Variants in CALN1 observed in about 807,000 individuals in gnomAD.
CALN1 encodes calneuron 1, also known as calcium-binding protein 8.
A neutral mutation model predicts 30.6 loss-of-function variants in CALN1; 17 were observed. The observed-to-expected ratio is 0.56, with a 90% CI of 0.38 to 0.83. The LOEUF is 0.83. Ranked by LOEUF, CALN1 falls within the 40% of genes least tolerant of loss-of-function variation. The pLI is 0.00. For missense variants in CALN1, 291 were observed against 354.9 expected (o/e 0.82, Z 1.45); for synonymous variants, 156 against 131.4 (o/e 1.19, Z -1.28).
At chr7:72,400,761 C>T (rs148915282) in intron 2 of CALN1, among the ~76,000 whole-genome samples, 9 of 152,284 alleles carry the variant, frequency 5.9e-5, no homozygotes, top group South Asian at 2.1e-4. Context: ...CCCAAAGCTG[C>T]ACCTCTGGCC....
chr7:72,092,194 A>AT (rs1176546406), intron 4 of CALN1, among the ~76,000 whole-genome samples: 3 of 152,038 alleles, frequency 2.0e-5, no homozygotes, highest in Admixed American at 2.0e-4. Context: ...TGTTCATGAG[A>AT]TTGAAAGGTT....
At chr7:72,078,796 C>T (rs900741052) in intron 4 of CALN1, among the ~76,000 whole-genome samples, 4 of 152,076 alleles carry the variant, frequency 2.6e-5, no homozygotes, top group East Asian at 1.9e-4. Context: ...ATTAGTTGGG[C>T]GTGGTGGCAG....
At chr7:72,333,463 C>T (rs575039069) in intron 2 of CALN1, among the ~76,000 whole-genome samples, 11 of 152,206 alleles carry the variant, frequency 7.2e-5, no homozygotes, top group Non-Finnish European at 1.6e-4. Flanking sequence ...TTGGAATTAT[C>T]CTCAAATTGA....
chr7:71,818,316 G>T (rs1788384915), intron 5 of CALN1, among the ~76,000 whole-genome samples: 1 of 152,020 alleles, frequency 6.6e-6, no homozygotes, highest in Non-Finnish European at 1.5e-5. Context: ...GGGAAGAGGA[G>T]ACGGTCAGGT....
intron 5 of CALN1, among the ~76,000 whole-genome samples, chr7:71,863,581 A>C (rs1003368772): frequency 6.7e-6 from 1 of 150,146 alleles, no homozygotes; most frequent in Admixed American, 6.7e-5. Context: ...AAAAAAAAAA[A>C]AAGAAGAAAG....
chr7:72,352,639 A>G (rs1250633517), intron 2 of CALN1, among the ~76,000 whole-genome samples: 1 of 152,168 alleles, frequency 6.6e-6, no homozygotes, highest in Non-Finnish European at 1.5e-5. Context: ...AGATCAGCTA[A>G]AACAGTGCTT....
intron 3 of CALN1, among the ~76,000 whole-genome samples, chr7:72,153,173 C>T (rs1228067090): frequency 2.0e-5 from 3 of 152,214 alleles, no homozygotes; most frequent in South Asian, 2.1e-4. Context: ...TAAGGATCTT[C>T]CTCTAACACC....
In CALN1 at chr7:72,403,359, G is replaced by A. The variant is rs1374143289; in HGVS notation, c.11C>T (p.Pro4Leu). MRL[P>L]EQPGEGKPEN... is the part of the protein sequence containing the mutation. ...GGGCTTCCCCTCTCCGGGTTGCTCTGGCAGCCGCATCGGGGGTCCAGGGCG... is the reference window on the plus strand; with the variant it reads ...GGGCTTCCCCTCTCCGGGTTGCTCTAGCAGCCGCATCGGGGGTCCAGGGCG... Residue 4 changes from proline to leucine, a missense_variant, in exon 2 of 7, where the codon CCA becomes CTA. Physicochemically the swap from Pro to Leu is moderately conservative, Grantham distance 98 (BLOSUM62 -3). Around this residue, in one of 2 missense-constraint regions of CALN1, gnomAD observed 122 missense variants for 103.2 expected, o/e 1.18. Coordinates refer to ENST00000395275, the MANE Select transcript of CALN1 (RefSeq NM_031468.4). 1.9e-6 allele frequency: 3 copies of A among 1,547,452 alleles called. No homozygotes were observed. The highest frequency in any genetic ancestry group is 2.4e-5 in the South Asian group (2 of 84,024).
chr7:71,798,338 C>T (rs1282321673), intron 6 of CALN1, among the ~76,000 whole-genome samples: 2 of 151,532 alleles, frequency 1.3e-5, no homozygotes, highest in African/African-American at 2.4e-5. Flanking sequence ...TTTATAGAAA[C>T]TGGGTTTCAC....
chr7:71,997,701 T>C (rs985757114), intron 5 of CALN1, among the ~76,000 whole-genome samples: 3 of 152,124 alleles, frequency 2.0e-5, no homozygotes, highest in African/African-American at 4.8e-5. Context: ...GCATTACTTA[T>C]AGGCAAAAAA....
chr7:72,225,708 C>T (rs575243422), intron 3 of CALN1, among the ~76,000 whole-genome samples: 51 of 152,172 alleles, frequency 3.4e-4, no homozygotes, highest in South Asian at 1.9e-3. Context: ...GTGCTCTTTG[C>T]GAGAAAATCA....
chr7:72,311,608 T>A (rs1407427175), intron 2 of CALN1, among the ~76,000 whole-genome samples: 5 of 149,882 alleles, frequency 3.3e-5, no homozygotes, highest in African/African-American at 1.2e-4. Flanking sequence ...GCCTCCCAAG[T>A]AGCTGGGACT....
At chr7:72,422,349 G>T (rs1020641765) in intron 1 of CALN1, among the ~76,000 whole-genome samples, 7 of 152,138 alleles carry the variant, frequency 4.6e-5, no homozygotes, top group African/African-American at 1.7e-4. Context: ...AAACCATATT[G>T]TGGTTTTGAT....
chr7:71,874,259 C>T (rs1274943528), intron 5 of CALN1, among the ~76,000 whole-genome samples: 1 of 131,242 alleles, frequency 7.6e-6, no homozygotes, highest in East Asian at 2.2e-4. Context: ...TGGGTGACAG[C>T]GAGACTCTGT....
chr7:72,059,462 G>GA (rs34494725), intron 4 of CALN1, among the ~76,000 whole-genome samples: 2,030 of 151,338 alleles, frequency 0.013, 44 homozygotes, highest in South Asian at 0.024. Context: ...AAAGTTTTCT[G>GA]AAAAAAAAAG....
intron 5 of CALN1, among the ~76,000 whole-genome samples, chr7:71,882,780 C>A (rs1043281123): frequency 3.3e-5 from 5 of 151,796 alleles, no homozygotes; most frequent in Admixed American, 6.6e-5. Flanking sequence ...AACTCCTGGG[C>A]TCAAGTGATC....
chr7:71,979,583 A>G (rs1314100380), intron 5 of CALN1, among the ~76,000 whole-genome samples: 1 of 152,126 alleles, frequency 6.6e-6, no homozygotes, highest in Admixed American at 6.6e-5. Context: ...ATACAGATGA[A>G]TCTTCACTGA....
chr7:72,379,914 C>A (rs1585619070), intron 2 of CALN1, among the ~76,000 whole-genome samples: 1 of 152,294 alleles, frequency 6.6e-6, no homozygotes, highest in East Asian at 1.9e-4. Context: ...TCACATGCAA[C>A]CTTCTCCCAC....
chr7:71,898,869 A>G (rs1026373128), intron 5 of CALN1, among the ~76,000 whole-genome samples: 1 of 152,210 alleles, frequency 6.6e-6, no homozygotes, highest in African/African-American at 2.4e-5. Flanking sequence ...ATATAATCTC[A>G]TTTGAATGAG....
Sources: gnomAD v4.1 joint callset for allele counts (sites outside exome capture counted in the v4.1 genomes callset) on GRCh38, gnomAD v4.1.1 for gene constraint, gnomAD v4.1.1 regional missense constraint, MANE v1.5 for transcripts, NCBI Gene and HGNC (gene_info 2026-07-23, HGNC 2026-07-21) for gene names.